FMN1: variants seen among roughly 807,000 people sequenced by gnomAD.
FMN1 encodes formin-1.
In FMN1, 110 loss-of-function variants were observed where a neutral mutation model predicts 132.4. That is an observed-to-expected ratio of 0.83 (90% CI 0.71 to 0.97). FMN1 has a LOEUF of 0.97. FMN1 is among the 50% of genes least tolerant of loss of function. FMN1 has a pLI of 0.00. For missense variants in FMN1, 1,792 were observed against 1,705.3 expected, an observed-to-expected ratio of 1.05 and a Z score of -0.90; for synonymous variants, 722 against 651.7, an observed-to-expected ratio of 1.11 and a Z score of -1.64.
chr15:33,104,201 T>C (rs1353301141), intron 4 of FMN1, among the ~76,000 whole-genome samples: 1 of 152,080 alleles, frequency 6.6e-6, no homozygotes, highest in Non-Finnish European at 1.5e-5. Context: ...TGGTAAGAAA[T>C]GATAAGATGC....
intron 9 of FMN1, among the ~76,000 whole-genome samples, chr15:32,944,588 C>A (rs2061466526): frequency 6.6e-6 from 1 of 152,160 alleles, no homozygotes; most frequent in Admixed American, 6.5e-5. Context: ...CTTTAAGGAT[C>A]TAGGCTCTTC....
At chr15:33,026,564 C>A (rs1181751869) in intron 6 of FMN1, among the ~76,000 whole-genome samples, 1 of 152,128 alleles carries the variant, frequency 6.6e-6, no homozygotes, top group Non-Finnish European at 1.5e-5. Context: ...TCATATAATA[C>A]ATATATGATT....
At chr15:33,093,635 G>C (rs1216546014) in intron 4 of FMN1, among the ~76,000 whole-genome samples, 11 of 152,180 alleles carry the variant, frequency 7.2e-5, no homozygotes, top group Non-Finnish European at 1.5e-4. Flanking sequence ...TTCTGAGAAG[G>C]TGTGGTATCT....
intron 2 of FMN1, among the ~76,000 whole-genome samples, chr15:33,188,543 A>G (rs1046661638): frequency 6.6e-6 from 1 of 152,152 alleles, no homozygotes; most frequent in Middle Eastern, 3.2e-3. Flanking sequence ...TGGAGTCTTC[A>G]GCTGTGTCTC....
intron 17 of FMN1, among the ~76,000 whole-genome samples, chr15:32,850,180 G>A (rs547298774): frequency 3.9e-5 from 6 of 151,994 alleles, no homozygotes; most frequent in African/African-American, 7.3e-5. Flanking sequence ...AAGGACGTCA[G>A]AATTATTTCC....
At chr15:33,164,301 A>C (rs568090856) in intron 3 of FMN1, among the ~76,000 whole-genome samples, 1 of 152,308 alleles carries the variant, frequency 6.6e-6, no homozygotes, top group South Asian at 2.1e-4. Context: ...TTTCCTGTGA[A>C]ACTATGATTT....
intron 7 of FMN1, among the ~76,000 whole-genome samples, chr15:32,969,902 T>TA (rs577125343): frequency 3.8e-3 from 577 of 152,320 alleles, no homozygotes; most frequent in Non-Finnish European, 6.1e-3. Flanking sequence ...TCCTCTGGCT[T>TA]AGAGCTGTTC....
chr15:32,972,303 T>C (rs187195412), intron 7 of FMN1, among the ~76,000 whole-genome samples: 2 of 152,306 alleles, frequency 1.3e-5, no homozygotes, highest in East Asian at 3.9e-4. Context: ...AAAATAGACA[T>C]ACCAAAATCC....
At chr15:32,862,664 G>A (rs2059298013) in intron 16 of FMN1, among the ~76,000 whole-genome samples, 1 of 152,330 alleles carries the variant, frequency 6.6e-6, no homozygotes, top group East Asian at 1.9e-4. Flanking sequence ...TTAGAAAAAT[G>A]TAGCAGTAAG....
At chr15:33,032,753 G>A (rs766428994) in intron 6 of FMN1, among the ~76,000 whole-genome samples, 3 of 152,138 alleles carry the variant, frequency 2.0e-5, no homozygotes, top group Admixed American at 6.5e-5. Context: ...CAGAGCTGAC[G>A]CAGTAAAGCC....
intron 6 of FMN1, among the ~76,000 whole-genome samples, chr15:33,060,981 A>C (rs2037455759): frequency 6.6e-6 from 1 of 152,198 alleles, no homozygotes; most frequent in Non-Finnish European, 1.5e-5. Flanking sequence ...TTCATAATAC[A>C]ACATAGGAGA....
At chr15:33,045,360 G>C (rs1372197211) in intron 6 of FMN1, among the ~76,000 whole-genome samples, 1 of 152,210 alleles carries the variant, frequency 6.6e-6, no homozygotes, top group Non-Finnish European at 1.5e-5. Flanking sequence ...CAGCCTGCCA[G>C]GCTGAGTGGG....
At position 32,998,040 on chromosome 15, in the gene FMN1, A is replaced by G. The variant is rs148442149; in HGVS notation, c.2223+9974T>C. 1.7e-3 allele frequency among the ~76,000 whole-genome samples: 262 copies of G among 152,350 alleles called. 1 individual carries two copies. Among genetic ancestry groups the G allele is most frequent in the South Asian group, 5.2e-3 (25 of 4,826 alleles). On this transcript the variant is annotated intron_variant, in intron 7 of 20. Transcript: ENST00000616417. ...TGTCTACAGGCTCCAGGCAATCAACATAAGTAGAGGAGACTGGCTATAAGA... is the reference window on the plus strand; with the variant it reads ...TGTCTACAGGCTCCAGGCAATCAACGTAAGTAGAGGAGACTGGCTATAAGA...
chr15:32,937,121 A>G (rs2061294239), intron 9 of FMN1, among the ~76,000 whole-genome samples: 1 of 152,152 alleles, frequency 6.6e-6, no homozygotes, highest in Non-Finnish European at 1.5e-5. Flanking sequence ...TGCCCTGAGC[A>G]AGGGTGAGGG....
At chr15:32,902,886 T>A (rs2060331779) in intron 12 of FMN1, among the ~76,000 whole-genome samples, 1 of 152,202 alleles carries the variant, frequency 6.6e-6, no homozygotes, top group Non-Finnish European at 1.5e-5. Flanking sequence ...GGAGAAAATC[T>A]ACTAACAGCC....
At chr15:32,835,328 A>G (rs1021249038) in intron 17 of FMN1, among the ~76,000 whole-genome samples, 1 of 152,232 alleles carries the variant, frequency 6.6e-6, no homozygotes, top group East Asian at 1.9e-4. Flanking sequence ...CTCTAAAAAA[A>G]TAAACTTAGA....
chr15:32,968,751 G>A lies in FMN1; in HGVS notation c.2950C>T (p.Pro984Ser). The A allele has an allele frequency of 6.2e-7, 1 of 1,613,324 alleles. No homozygotes were observed. Among genetic ancestry groups the A allele is most frequent in the Non-Finnish European group, 8.5e-7 (1 of 1,179,716 alleles). ...PAIEPSCPMK[P>S]LYWTRIQISD... Reference sequence around the variant, plus strand: ...ATTTGTATCCTAGTCCAATATAAAGGCTTCATGGGACAACTGGGCTCGATG... The same window carrying A: ...ATTTGTATCCTAGTCCAATATAAAGACTTCATGGGACAACTGGGCTCGATG... Residue 984 changes from proline (P) to serine (S), a missense_variant, in exon 8 of 21, where the codon CCT becomes TCT. Transcript: ENST00000616417.
chr15:33,003,312 G>C (rs1291146077), intron 7 of FMN1, among the ~76,000 whole-genome samples: 1 of 152,192 alleles, frequency 6.6e-6, no homozygotes, highest in Non-Finnish European at 1.5e-5. Context: ...CATTGTCTCA[G>C]CCCAAAATCT....
chr15:32,957,471 G>A (rs1167241865), intron 9 of FMN1, among the ~76,000 whole-genome samples: 1 of 151,914 alleles, frequency 6.6e-6, no homozygotes, highest in Non-Finnish European at 1.5e-5. Context: ...TTATCTTTCA[G>A]TGAAAAGAGA....
Sources: gnomAD v4.1 joint callset for allele counts (sites outside exome capture counted in the v4.1 genomes callset) on GRCh38, gnomAD v4.1.1 for gene constraint, MANE v1.5 for transcripts, NCBI Gene and HGNC (gene_info 2026-07-23, HGNC 2026-07-21) for gene names.